Variants in HIPK3 observed in about 807,000 individuals in gnomAD.
HIPK3 encodes homeodomain interacting protein kinase 3.
HIPK3 carries 47 observed loss-of-function variants against 124.2 expected under a neutral mutation model. The ratio of observed to expected loss-of-function variants is 0.38; its 90% CI spans 0.30 to 0.48. The LOEUF (loss-of-function observed/expected upper bound fraction) is 0.48. Among genes scored for constraint, HIPK3 ranks in the 20% least tolerant of loss-of-function variants. The probability of loss-of-function intolerance (pLI) is 0.98; values close to 1 mark genes in which losing one functional copy is unlikely to be tolerated. For missense variants in HIPK3, 1,286 were observed against 1,454.3 expected, an observed-to-expected ratio of 0.88 and a Z score of 1.88; for synonymous variants, 482 against 515.2, an observed-to-expected ratio of 0.94 and a Z score of 0.87.
rs538087071 is a variant in HIPK3 at position 33,307,524 on chromosome 11, G to A, written c.1097+20013G>A. Among the ~76,000 whole-genome samples the A allele has an allele frequency of 2.0e-3, 294 of 147,862 alleles. 1 individual carries two copies. Among genetic ancestry groups the A allele is most frequent in the African/African-American group, 7.1e-3 (286 of 40,110 alleles). ...CGCCATTCTCCTGCCTTAGCCCCCC[G>A]AGTAGCTGGGACTACAGGCGCCTGC... On this transcript the variant is annotated intron_variant, in intron 2 of 16. Coordinates refer to ENST00000303296, the MANE Select transcript of HIPK3 (RefSeq NM_005734.5).
intron 1 of HIPK3, 84 bp from the exon 2 acceptor site, chr11:33,286,329 T>C: frequency 8.2e-7 from 1 of 1,212,358 alleles, no homozygotes; most frequent in Non-Finnish European, 1.1e-6. Flanking sequence ...TTCTTCCTGA[T>C]ATTTAAAATT....
At chr11:33,302,361 A>T (rs1160406689) in intron 2 of HIPK3, among the ~76,000 whole-genome samples, 2 of 20,516 alleles carry the variant, frequency 9.7e-5, no homozygotes, top group African/African-American at 2.5e-4. Flanking sequence ...TTTTTTGAGA[A>T]GGAGTCTGAC....
chr11:33,338,521 C>T (rs1214884701), intron 4 of HIPK3, among the ~76,000 whole-genome samples: 5 of 152,200 alleles, frequency 3.3e-5, no homozygotes, highest in African/African-American at 7.2e-5. Flanking sequence ...CGTGAGCCGC[C>T]GTGCCCGGCC....
In HIPK3 at chr11:33,286,960, T is replaced by C; in HGVS notation, c.546T>C (p.Tyr182=). 1.2e-6 allele frequency: 2 copies of C among 1,614,156 alleles called. No homozygotes were observed. Among genetic ancestry groups the C allele is most frequent in the Non-Finnish European group, 1.7e-6 (2 of 1,179,994 alleles). ...KQNCTTGEGD[Y]QLVQHEVLCS... ...ATTGTACCACTGGAGAAGGTGACTATCAGTTAGTACAGCATGAAGTCTTAT... is the reference window on the plus strand; with the variant it reads ...ATTGTACCACTGGAGAAGGTGACTACCAGTTAGTACAGCATGAAGTCTTAT... The change falls in exon 2 of 17, where the codon TAT becomes TAC. Residue 182 remains tyrosine, a synonymous_variant. Coordinates refer to ENST00000303296, the MANE Select transcript of HIPK3 (RefSeq NM_005734.5).
rs539272481 is a variant in HIPK3, at chr11:33,272,923, A to G, written c.-2-13490A>G. ...TGCAGTGGTAGGCACTATCACAGCC[A>G]AGCAACCTCAAACTCCTGGGCTCAA... On this transcript the variant is annotated intron_variant, in intron 1 of 16. Transcript: ENST00000303296. 1.1e-3 allele frequency among the ~76,000 whole-genome samples: 171 copies of G among 149,792 alleles called. 2 individuals are homozygous for G. Among genetic ancestry groups the G allele is most frequent in the Non-Finnish European group, 1.0e-3 (68 of 67,634 alleles).
At chr11:33,300,790 A>G (rs1851976835) in intron 2 of HIPK3, among the ~76,000 whole-genome samples, 1 of 152,128 alleles carries the variant, frequency 6.6e-6, no homozygotes, top group African/African-American at 2.4e-5. Flanking sequence ...ACTGGAGTAC[A>G]GTGACATGAT....
In HIPK3 at chr11:33,353,342, G is replaced by A. The variant is rs774536478; in HGVS notation, c.3422G>A (p.Cys1141Tyr). The change falls in exon 17 of 17, where the codon TGT (cysteine) becomes TAT (tyrosine). Residue 1141 changes from cysteine (C) to tyrosine (Y), a missense_variant. Physicochemically the swap from Cys to Tyr is radical, Grantham distance 194. Coordinates refer to ENST00000303296, the MANE Select transcript of HIPK3 (RefSeq NM_005734.5). Reference sequence around the variant, plus strand: ...GTGGCCCACCTGTTAGCCTCTCCGTGTACCTCAAGACCTATGTTACAGCAT... The same window carrying A: ...GTGGCCCACCTGTTAGCCTCTCCGTATACCTCAAGACCTATGTTACAGCAT... ...APVAHLLASP[C>Y]TSRPMLQHPT... 5 of 1,614,062 alleles carry A rather than the reference G, an allele frequency of 3.1e-6. No individual in the cohort carries two copies. In the South Asian group the frequency reaches 5.5e-5, roughly 18 times the overall value.
At position 33,286,968 on chromosome 11, in the gene HIPK3, T is replaced by C; in HGVS notation, c.554T>C (p.Val185Ala). The change falls in exon 2 of 17, where the codon GTA (valine) becomes GCA (alanine). Residue 185 changes from valine to alanine, a missense_variant. Coordinates refer to ENST00000303296, the MANE Select transcript of HIPK3 (RefSeq NM_005734.5). ...CTTGEGDYQL[V>A]QHEVLCSMKN... The stretch of plus-strand genomic sequence containing the variant: ...ACTGGAGAAGGTGACTATCAGTTAG[T>C]ACAGCATGAAGTCTTATGCTCCATG... 2 of 1,614,196 alleles carry C rather than the reference T, an allele frequency of 1.2e-6. No individual in the cohort carries two copies. The highest frequency in any genetic ancestry group is 2.7e-5 in the African/African-American group (2 of 75,052).
intron 14 of HIPK3, 80 bp downstream of exon 14, chr11:33,349,367 G>C: frequency 8.6e-7 from 1 of 1,162,404 alleles, no homozygotes; most frequent in East Asian, 2.5e-5. Flanking sequence ...TGTTTAATAA[G>C]TACCTGCCAG....
chr11:33,273,770 C>CT (rs754311750), intron 1 of HIPK3, among the ~76,000 whole-genome samples: 2 of 152,216 alleles, frequency 1.3e-5, no homozygotes, highest in South Asian at 4.1e-4. Context: ...CCCACAATGT[C>CT]TTTCATAAAG....
At chr11:33,333,338 A>T (rs570187228) in intron 3 of HIPK3, among the ~76,000 whole-genome samples, 1 of 152,292 alleles carries the variant, frequency 6.6e-6, no homozygotes, top group Admixed American at 6.5e-5. Flanking sequence ...GCCTTTGTCT[A>T]TTCTGATCTG....
At chr11:33,256,770 T>C (rs1374070307), upstream of HIPK3, 14 of 936,946 alleles carry the variant, frequency 1.5e-5, no homozygotes, top group Non-Finnish European at 1.8e-5. Context: ...AACTTCACAA[T>C]TATGGGGTTT....
At chr11:33,293,945 T>C (rs1457292263) in intron 2 of HIPK3, among the ~76,000 whole-genome samples, 1 of 152,082 alleles carries the variant, frequency 6.6e-6, no homozygotes, top group Non-Finnish European at 1.5e-5. Flanking sequence ...GGCAGGTGGA[T>C]CGCCTGAGGT....
intron 10 of HIPK3, 32 bp from the exon 11 acceptor site, chr11:33,347,820 G>C: frequency 2.5e-6 from 4 of 1,613,434 alleles, no homozygotes; most frequent in Non-Finnish European, 2.5e-6. Context: ...GAAAGATCTT[G>C]ATTAAAAACA....
chr11:33,279,868 AG>A (rs1179151020), intron 1 of HIPK3, among the ~76,000 whole-genome samples: 1 of 152,042 alleles, frequency 6.6e-6, no homozygotes, highest in East Asian at 1.9e-4. Flanking sequence ...ACGTGGTAGA[AG>A]GGGTGAACAA....
chr11:33,258,606 T>C (rs556338061), intron 1 of HIPK3: 1 of 985,236 alleles, frequency 1.0e-6, no homozygotes, highest in Non-Finnish European at 1.2e-6. Context: ...CCCGCTTCCC[T>C]TCGCCGCACT....
chr11:33,353,849 C>T lies in HIPK3; in HGVS notation c.*281C>T. 2.6e-6 allele frequency: 1 copy of T among 378,128 alleles called. No individual in the cohort carries two copies. Among genetic ancestry groups the T allele is most frequent in the East Asian group, 6.2e-5 (1 of 16,168 alleles). 23.4% of individuals were successfully genotyped at this position (378,128 alleles called of 1,614,324 possible). A position where few individuals can be genotyped will look rare whatever the true frequency, so the allele number is the denominator to read the frequency against. ...CCTGCTATTTTTTATAAATTGCCTT[C>T]TAACTAGTGCAAGACACGTCTACAT... On this transcript the variant is annotated 3_prime_UTR_variant, in exon 17 of 17. Coordinates refer to ENST00000303296, the MANE Select transcript of HIPK3 (RefSeq NM_005734.5).
chr11:33,322,624 G>C (rs567751818), intron 2 of HIPK3, among the ~76,000 whole-genome samples: 4 of 152,028 alleles, frequency 2.6e-5, no homozygotes, highest in Non-Finnish European at 4.4e-5. Context: ...CCAGGAGTTC[G>C]AGACCAGCCT....
At chr11:33,261,140 T>TATAA (rs1195438051) in intron 1 of HIPK3, among the ~76,000 whole-genome samples, 1 of 130,288 alleles carries the variant, frequency 7.7e-6, no homozygotes, top group African/African-American at 2.7e-5. Context: ...ATATAAAATA[T>TATAA]AAAATATATT....
Sources: allele counts gnomAD v4.1 joint callset (sites outside exome capture counted in the v4.1 genomes callset), GRCh38; gene constraint gnomAD v4.1.1; transcripts MANE v1.5; gene names NCBI Gene and HGNC (gene_info 2026-07-23, HGNC 2026-07-21).